Variants in NIPBL observed in about 807,000 individuals in gnomAD.
The protein encoded by NIPBL is nipped-B-like protein.
In NIPBL, 19 loss-of-function variants were observed where a neutral mutation model predicts 321.8. That is an observed-to-expected ratio of 0.06 (90% CI 0.04 to 0.09). NIPBL has a LOEUF of 0.09. NIPBL is among the 10% of genes least tolerant of loss of function. The probability of loss-of-function intolerance (pLI) is 1.00; values close to 1 mark genes in which losing one functional copy is unlikely to be tolerated. For missense variants in NIPBL, 2,210 were observed against 3,327.0 expected (o/e 0.66, Z 8.26); for synonymous variants, 1,106 against 1,114.1 (o/e 0.99, Z 0.14).
At chr5:37,017,226 C>G in intron 24 of NIPBL, 64 bp downstream of exon 24, 1 of 1,454,176 alleles carries the variant, frequency 6.9e-7, no homozygotes, top group Non-Finnish European at 9.5e-7. Context: ...CATGTCCTTA[C>G]ATTAGTTTTG....
At chr5:37,044,961 G>A (rs528509322) in intron 36 of NIPBL, among the ~76,000 whole-genome samples, 9 of 152,136 alleles carry the variant, frequency 5.9e-5, no homozygotes, top group East Asian at 3.9e-4. Context: ...AATTTTTTGC[G>A]CACTGTGAAA....
chr5:36,947,091 G>T (rs1739771425), intron 1 of NIPBL, among the ~76,000 whole-genome samples: 1 of 151,968 alleles, frequency 6.6e-6, no homozygotes, highest in South Asian at 2.1e-4. Flanking sequence ...GAATGATTAA[G>T]GAAAGGAATA....
chr5:36,998,475 T>A (rs1005208721), intron 11 of NIPBL, among the ~76,000 whole-genome samples: 3 of 152,136 alleles, frequency 2.0e-5, no homozygotes, highest in African/African-American at 7.2e-5. Context: ...GTTATGAAAT[T>A]AATTAAAATG....
rs940596624 is a variant in NIPBL at position 37,065,155 on chromosome 5, T to C, written c.*263T>C. 2.1e-6 allele frequency: 1 copy of C among 471,958 alleles called. No homozygotes were observed. The highest frequency in any genetic ancestry group is 3.7e-5 in the Admixed American group (1 of 27,050). The allele number at this position is 471,958 out of a possible 1,614,324, so 29.2% of individuals were successfully genotyped here. ...TTGTTTATATCTTGGAAAAAAAACT[T>C]TCTGTTTAAAAAAAATAAACAAGTG... is the stretch of plus-strand genomic sequence containing the variant. On this transcript the variant is annotated 3_prime_UTR_variant, in exon 47 of 47. Coordinates refer to ENST00000282516, the MANE Select transcript of NIPBL (RefSeq NM_133433.4).
chr5:36,912,590 C>T (rs1479278219), intron 1 of NIPBL, among the ~76,000 whole-genome samples: 1 of 151,598 alleles, frequency 6.6e-6, no homozygotes, highest in Non-Finnish European at 1.5e-5. Context: ...CAAGCTCCGC[C>T]TCCCGGATTC....
intron 1 of NIPBL, among the ~76,000 whole-genome samples, chr5:36,887,788 G>A (rs1746027386): frequency 6.6e-6 from 1 of 152,112 alleles, no homozygotes; most frequent in South Asian, 2.1e-4. Flanking sequence ...AGATCCAGCT[G>A]TCTATCAGGT....
chr5:36,968,394 C>CT (rs1225350738), intron 6 of NIPBL, among the ~76,000 whole-genome samples: 1 of 151,926 alleles, frequency 6.6e-6, no homozygotes, highest in African/African-American at 2.4e-5. Context: ...ACAGTGAAAC[C>CT]CGTGTGTACT....
chr5:37,001,089 C>T lies in NIPBL; in HGVS notation c.3664+11C>T, dbSNP rs954328973. ...ATTTTACTGCGTTTGGTAAAATCAACTTAAAATACATTTACACATACTCTA... is the reference window on the plus strand; with the variant it reads ...ATTTTACTGCGTTTGGTAAAATCAATTTAAAATACATTTACACATACTCTA... On this transcript the variant is annotated intron_variant, in intron 14 of 46. Transcript: ENST00000282516. 6.5e-7 allele frequency: 1 copy of T among 1,537,832 alleles called. No homozygotes were observed. Among genetic ancestry groups the T allele is most frequent in the African/African-American group, 1.4e-5 (1 of 73,296 alleles).
At position 36,985,996 on chromosome 5, in the gene NIPBL, C is replaced by A; in HGVS notation, c.2816C>A (p.Ala939Glu). The A allele has an allele frequency of 6.2e-7, 1 of 1,613,900 alleles. No homozygotes were observed. Among genetic ancestry groups the A allele is most frequent in the East Asian group, 2.2e-5 (1 of 44,866 alleles). ...AATAAAGCACACCCTGACAATAAGG[C>A]AGAATTTCCAAGTTATTTGTTGGGG... ...DTNKAHPDNK[A>E]EFPSYLLGGR... Residue 939 changes from alanine to glutamate, a missense_variant, in exon 10 of 47, where the codon GCA becomes GAA. Transcript: ENST00000282516.
intron 1 of NIPBL, among the ~76,000 whole-genome samples, chr5:36,932,530 GTA>G (rs1404803267): frequency 6.6e-6 from 1 of 152,104 alleles, no homozygotes; most frequent in South Asian, 2.1e-4. Flanking sequence ...TTTGTATGGA[GTA>G]TATTTTCTAT....
Position 37,026,216 on chromosome 5 carries a change from C to G in NIPBL, c.5710-13C>G, listed in dbSNP as rs562131143. ...GTTATAATTAGTTAATTTGAAATTT[C>G]TCTTCCTTCTAGAAATTAGTAAATG... On this transcript the variant is annotated splice_polypyrimidine_tract_variant and intron_variant, in intron 30 of 46. Transcript: ENST00000282516. 15 of 1,489,510 alleles carry G rather than the reference C, an allele frequency of 1.0e-5. No homozygotes were observed. The highest frequency in any genetic ancestry group is 1.4e-5 in the Non-Finnish European group (15 of 1,069,170). 92.3% of individuals were successfully genotyped at this position (1,489,510 alleles called of 1,614,324 possible). A position where few individuals can be genotyped will look rare whatever the true frequency, so the allele number is the denominator to read the frequency against.
intron 32 of NIPBL, among the ~76,000 whole-genome samples, chr5:37,027,711 T>C (rs937365442): frequency 6.9e-6 from 1 of 144,918 alleles, no homozygotes; most frequent in African/African-American, 2.6e-5. Flanking sequence ...CTCTGCCTCC[T>C]GGGTTCAAGC....
intron 42 of NIPBL, among the ~76,000 whole-genome samples, chr5:37,054,533 A>G (rs192925972): frequency 1.2e-3 from 177 of 152,300 alleles, no homozygotes; most frequent in African/African-American, 4.1e-3. Context: ...TGTTGATAAT[A>G]TTGTTCCAGT....
intron 1 of NIPBL, among the ~76,000 whole-genome samples, chr5:36,934,798 A>G (rs931860780): frequency 2.6e-5 from 4 of 152,158 alleles, no homozygotes; most frequent in Non-Finnish European, 4.4e-5. Flanking sequence ...TTGAAGAGCT[A>G]TAGGTAGACC....
chr5:36,985,512 G>C lies in NIPBL; in HGVS notation c.2332G>C (p.Glu778Gln), dbSNP rs1744671339. 1 of 1,613,636 alleles carries C rather than the reference G, an allele frequency of 6.2e-7. No individual in the cohort carries two copies. Among genetic ancestry groups the C allele is most frequent in the Non-Finnish European group, 8.5e-7 (1 of 1,179,904 alleles). ...SGKPSTEKKP[E>Q]VSKHKQDTKS... ...AAAGCCATCTACAGAGAAAAAACCTGAAGTGTCTAAACATAAACAAGATAC... is the reference window on the plus strand; with the variant it reads ...AAAGCCATCTACAGAGAAAAAACCTCAAGTGTCTAAACATAAACAAGATAC... Residue 778 changes from glutamate to glutamine, a missense_variant, in exon 10 of 47, where the codon GAA becomes CAA. Coordinates refer to ENST00000282516, the MANE Select transcript of NIPBL (RefSeq NM_133433.4).
chr5:37,008,180 C>A, intron 19 of NIPBL, 92 bp downstream of exon 19: 1 of 822,466 alleles, frequency 1.2e-6, no homozygotes, highest in Non-Finnish European at 2.1e-6. Context: ...AATGAAGATA[C>A]CTGGTTTTCA....
chr5:37,011,916 G>A (rs298973), intron 21 of NIPBL, among the ~76,000 whole-genome samples: 32,294 of 151,826 alleles, frequency 0.21, 4,683 homozygotes, highest in African/African-American at 0.4. Flanking sequence ...AATTAAGATA[G>A]TATACATGCA....
intron 8 of NIPBL, among the ~76,000 whole-genome samples, chr5:36,973,469 TTTTC>T (rs1331655310): frequency 1.3e-5 from 2 of 152,054 alleles, no homozygotes; most frequent in African/African-American, 2.4e-5. Context: ...TCTAGGTTTT[TTTTC>T]TTTCTTTCTT....
At chr5:36,968,599 A>G (rs1742506570) in intron 6 of NIPBL, among the ~76,000 whole-genome samples, 1 of 152,006 alleles carries the variant, frequency 6.6e-6, no homozygotes, top group South Asian at 2.1e-4. Context: ...GATGGTGCAC[A>G]TCTGTAGTCC....
Sources: gnomAD v4.1 joint callset for allele counts (sites outside exome capture counted in the v4.1 genomes callset) on GRCh38, gnomAD v4.1.1 for gene constraint, MANE v1.5 for transcripts, NCBI Gene and HGNC (gene_info 2026-07-23, HGNC 2026-07-21) for gene names.